NHEJ1: variants seen among roughly 807,000 people sequenced by gnomAD.
NHEJ1 encodes the protein non-homologous end-joining factor 1.
Under a neutral mutation model 39.4 loss-of-function variants are expected in NHEJ1, and 22 were observed. The observed-to-expected ratio is 0.56, with a 90% CI of 0.40 to 0.80. The LOEUF (loss-of-function observed/expected upper bound fraction) is 0.80. Ranked by LOEUF, NHEJ1 falls within the 30% of genes least tolerant of loss-of-function variation. The pLI is 0.00. For missense variants in NHEJ1, 329 were observed against 357.1 expected (o/e 0.92, Z 0.63); for synonymous variants, 154 against 135.6 (o/e 1.14, Z -0.94).
chr2:219,137,587 A>AAC (rs1949645493), intron 5 of NHEJ1, among the ~76,000 whole-genome samples: 1 of 138,932 alleles, frequency 7.2e-6, no homozygotes, highest in Admixed American at 7.2e-5. Context: ...AAAAAAAAAA[A>AAC]AAAAACAAAA....
chr2:219,086,116 A>C (rs908883365), intron 5 of NHEJ1, among the ~76,000 whole-genome samples: 1 of 152,238 alleles, frequency 6.6e-6, no homozygotes, highest in Admixed American at 6.5e-5. Context: ...GCTAGGTACT[A>C]GGCTATGCAT....
At chr2:219,149,099 G>A (rs1011404739) in intron 3 of NHEJ1, among the ~76,000 whole-genome samples, 2 of 151,976 alleles carry the variant, frequency 1.3e-5, no homozygotes, top group African/African-American at 4.8e-5. Flanking sequence ...GGTCAGGCTG[G>A]TCTTGAACTC....
chr2:219,145,748 CAT>C (rs1949733385), intron 5 of NHEJ1, among the ~76,000 whole-genome samples: 1 of 151,990 alleles, frequency 6.6e-6, no homozygotes, highest in Admixed American at 6.6e-5. Flanking sequence ...GCCTGACCAA[CAT>C]GGAGAAATCC....
intron 5 of NHEJ1, among the ~76,000 whole-genome samples, chr2:219,135,173 G>GT (rs1949615512): frequency 6.6e-6 from 1 of 151,888 alleles, no homozygotes; most frequent in Admixed American, 6.6e-5. Flanking sequence ...TTACCATACT[G>GT]TAACAAATGG....
intron 5 of NHEJ1, among the ~76,000 whole-genome samples, chr2:219,139,792 G>A (rs1240786002): frequency 1.3e-5 from 2 of 152,016 alleles, no homozygotes; most frequent in African/African-American, 2.4e-5. Context: ...CCATTCTCCC[G>A]CCTCAGCCTC....
chr2:219,092,433 C>A (rs773010481), intron 5 of NHEJ1, among the ~76,000 whole-genome samples: 14 of 152,254 alleles, frequency 9.2e-5, no homozygotes, highest in Non-Finnish European at 1.9e-4. Flanking sequence ...AGCAATGAGT[C>A]TAATAACCAT....
chr2:219,104,294 G>A (rs1186267806), intron 5 of NHEJ1, among the ~76,000 whole-genome samples: 1 of 152,208 alleles, frequency 6.6e-6, no homozygotes, highest in African/African-American at 2.4e-5. Context: ...TGCCAAAAGA[G>A]CTAAGGGAAA....
chr2:219,091,745 C>G (rs888058163), intron 5 of NHEJ1, among the ~76,000 whole-genome samples: 3 of 152,044 alleles, frequency 2.0e-5, no homozygotes, highest in African/African-American at 7.2e-5. Flanking sequence ...TGGGAGATAA[C>G]AAAATTCAAA....
Position 219,080,524 on chromosome 2 carries a change from T to TA in NHEJ1, c.589-2319dup, listed in dbSNP as rs1197303232. Among the ~76,000 whole-genome samples the TA allele has an allele frequency of 9.8e-4, 139 of 142,148 alleles. 2 individuals are homozygous for TA. Among genetic ancestry groups the TA allele is most frequent in the African/African-American group, 3.3e-3 (123 of 37,488 alleles). 93.3% of individuals were successfully genotyped at this position (142,148 alleles called of 152,430 possible). On this transcript the variant is annotated intron_variant, in intron 5 of 7. Coordinates refer to ENST00000356853, the MANE Select transcript of NHEJ1 (RefSeq NM_024782.3). ...TGGGCGACAGAGCAAGACTCTGTCT[T>TA]AAAAAAAAATAAATAAATAAATAAA...
At chr2:219,154,499 C>T (rs527666335) in intron 3 of NHEJ1, among the ~76,000 whole-genome samples, 8 of 152,114 alleles carry the variant, frequency 5.3e-5, no homozygotes, top group Admixed American at 2.6e-4. Context: ...TAAATGAAAA[C>T]GATCACAAGA....
intron 5 of NHEJ1, among the ~76,000 whole-genome samples, chr2:219,089,761 A>C (rs1223974424): frequency 1.3e-5 from 2 of 152,200 alleles, no homozygotes; most frequent in Non-Finnish European, 2.9e-5. Context: ...TTATAGCTCT[A>C]ATTTTAAAAA....
rs768591685 is a variant in NHEJ1, at chr2:219,158,265, C to G, written c.98G>C (p.Gly33Ala). 5.6e-6 allele frequency: 9 copies of G among 1,614,078 alleles called. No individual in the cohort carries two copies. Among genetic ancestry groups the G allele is most frequent in the Non-Finnish European group, 7.6e-6 (9 of 1,180,040 alleles). Residue 33 changes from glycine to alanine, a missense_variant, in exon 2 of 8, where the codon GGC (glycine) becomes GCC (alanine). Gly to Ala is a moderately conservative substitution (Grantham distance 60). Coordinates refer to ENST00000356853, the MANE Select transcript of NHEJ1 (RefSeq NM_024782.3). ...LLAKVFITKQGYALLVSDLQQ... is the reference protein window; with the variant it reads ...LLAKVFITKQAYALLVSDLQQ... ...AAGATCTGAAACCAACAAGGCATAG[C>G]CCTGCTTGGTGATAAAAACCTTGGC...
chr2:219,078,317 T>G (rs1465008743), intron 5 of NHEJ1, 111 bp from the exon 6 acceptor site: 4 of 933,536 alleles, frequency 4.3e-6, no homozygotes, highest in African/African-American at 1.6e-5. Flanking sequence ...TATAAAGCAG[T>G]TAGATCCAAT....
chr2:219,099,896 A>G (rs567652509), intron 5 of NHEJ1, among the ~76,000 whole-genome samples: 1 of 152,306 alleles, frequency 6.6e-6, no homozygotes, highest in East Asian at 1.9e-4. Context: ...CAGAAGGTAC[A>G]ATGGTAGGGC....
chr2:219,081,808 G>C (rs2106322639), intron 5 of NHEJ1, among the ~76,000 whole-genome samples: 1 of 152,358 alleles, frequency 6.6e-6, no homozygotes, highest in South Asian at 2.1e-4. Context: ...ATCAGAGGTG[G>C]TGACATCAAG....
intron 3 of NHEJ1, among the ~76,000 whole-genome samples, chr2:219,147,998 T>A (rs1054337712): frequency 6.6e-6 from 1 of 152,178 alleles, no homozygotes; most frequent in African/African-American, 2.4e-5. Context: ...GTGGCTAACG[T>A]CTGTAATCCC....
intron 5 of NHEJ1, among the ~76,000 whole-genome samples, chr2:219,113,157 T>C (rs1321300733): frequency 2.6e-5 from 4 of 152,246 alleles, no homozygotes; most frequent in African/African-American, 9.6e-5. Flanking sequence ...TCTGCTTCAC[T>C]TGTTCAATGT....
intron 5 of NHEJ1, among the ~76,000 whole-genome samples, chr2:219,135,008 C>T (rs1478524042): frequency 5.1e-5 from 6 of 118,464 alleles, no homozygotes; most frequent in Middle Eastern, 6.6e-3. Context: ...CCATTGCACT[C>T]CAGCCGGGCA....
intron 5 of NHEJ1, among the ~76,000 whole-genome samples, chr2:219,110,059 C>T (rs1949349966): frequency 2.0e-5 from 3 of 152,168 alleles, no homozygotes; most frequent in Admixed American, 1.3e-4. Flanking sequence ...ACTTTTCCTT[C>T]CCTCCCTTCC....
Sources: gnomAD v4.1 joint callset for allele counts (sites outside exome capture counted in the v4.1 genomes callset) on GRCh38, gnomAD v4.1.1 for gene constraint, MANE v1.5 for transcripts, NCBI Gene and HGNC (gene_info 2026-07-23, HGNC 2026-07-21) for gene names.